Variants in AFF1 observed in about 807,000 individuals in gnomAD.
AFF1 encodes AF4/FMR2 family member 1.
AFF1 carries 48 observed loss-of-function variants against 121.7 expected under a neutral mutation model. The observed-to-expected ratio is 0.39, with a 90% CI of 0.31 to 0.50. AFF1 has a LOEUF of 0.50. Among genes scored for constraint, AFF1 ranks in the 20% least tolerant of loss-of-function variants. The probability of loss-of-function intolerance (pLI) is 0.76; values close to 1 mark genes in which losing one functional copy is unlikely to be tolerated. For missense variants in AFF1, 1,523 were observed against 1,511.7 expected, an observed-to-expected ratio of 1.01 and a Z score of -0.12; for synonymous variants, 613 against 563.0, an observed-to-expected ratio of 1.09 and a Z score of -1.26.
chr4:87,014,755 G>T (rs2149544825), intron 2 of AFF1, among the ~76,000 whole-genome samples: 1 of 152,288 alleles, frequency 6.6e-6, no homozygotes. Context: ...TGTAAGTCTG[G>T]ATAACTTGTT....
At chr4:87,071,998 G>A (rs1722109558) in intron 4 of AFF1, among the ~76,000 whole-genome samples, 1 of 152,158 alleles carries the variant, frequency 6.6e-6, no homozygotes, top group African/African-American at 2.4e-5. Context: ...GTGTGTCGGT[G>A]TGTGAAGTCA....
chr4:87,133,845 A>G lies in AFF1; in HGVS notation c.3312-626A>G, dbSNP rs148228924. 3.7e-3 allele frequency among the ~76,000 whole-genome samples: 568 copies of G among 152,346 alleles called. 5 individuals are homozygous for G. Among genetic ancestry groups the G allele is most frequent in the African/African-American group, 0.013 (543 of 41,574 alleles). On this transcript the variant is annotated intron_variant, in intron 19 of 20. Coordinates refer to ENST00000395146, the MANE Select transcript of AFF1 (RefSeq NM_001166693.3). ...TTGCAGGTCCAGATATTCAGCCAAG[A>G]GTGGAGTAAAGAGGAGATAGAGTCT...
intron 14 of AFF1, 71 bp from the exon 15 acceptor site, chr4:87,126,955 A>AGGGATGG (rs1302112715): frequency 7.5e-7 from 1 of 1,338,244 alleles, no homozygotes; most frequent in Admixed American, 1.7e-5. Flanking sequence ...GCTATTTAAG[A>AGGGATGG]GGGATGGTAC....
At chr4:87,089,609 A>G (rs1012178866) in intron 5 of AFF1, among the ~76,000 whole-genome samples, 6 of 152,224 alleles carry the variant, frequency 3.9e-5, no homozygotes, top group Non-Finnish European at 8.8e-5. Flanking sequence ...TGAGGGAGAA[A>G]GAATGCATCG....
chr4:87,046,878 C>G lies in AFF1; in HGVS notation c.343C>G (p.His115Asp). 1 of 1,614,204 alleles carries G rather than the reference C, an allele frequency of 6.2e-7. No individual in the cohort carries two copies. Among genetic ancestry groups the G allele is most frequent in the Non-Finnish European group, 8.5e-7 (1 of 1,180,040 alleles). Reference protein sequence around the residue: ...KGSSIPSSSFHTSVHHQSIHT... With the variant: ...KGSSIPSSSFDTSVHHQSIHT... ...GAGCAGCATTCCATCCAGCTCCTTCCACACTAGTGTCCACCACCAGTCCAT... is the reference window on the plus strand; with the variant it reads ...GAGCAGCATTCCATCCAGCTCCTTCGACACTAGTGTCCACCACCAGTCCAT... Residue 115 changes from histidine to aspartate, a missense_variant, in exon 4 of 21, where the codon CAC (histidine) becomes GAC (aspartate). By Grantham distance (81) the His-to-Asp change is moderately conservative. Around this residue, in one of 5 missense-constraint regions of AFF1, gnomAD observed 369 missense variants for 367.2 expected, o/e 1.00. Coordinates refer to ENST00000395146, the MANE Select transcript of AFF1 (RefSeq NM_001166693.3).
At chr4:87,081,896 A>G (rs576678319) in intron 4 of AFF1, among the ~76,000 whole-genome samples, 2 of 152,214 alleles carry the variant, frequency 1.3e-5, no homozygotes, top group Admixed American at 6.5e-5. Context: ...TTCATCCAAC[A>G]TAACAAAACT....
intron 4 of AFF1, chr4:87,049,812 G>C (rs1014324013): frequency 4.4e-6 from 2 of 452,986 alleles, no homozygotes; most frequent in African/African-American, 4.0e-5. Context: ...AGGGCTCTCG[G>C]TGACCCCTTT....
intron 2 of AFF1, among the ~76,000 whole-genome samples, chr4:86,980,957 T>TCC (rs70953631): frequency 8.2e-6 from 1 of 122,414 alleles, no homozygotes; most frequent in African/African-American, 3.1e-5. Flanking sequence ...ACCCCCCCCC[T>TCC]CCACCAAAAA....
intron 4 of AFF1, among the ~76,000 whole-genome samples, chr4:87,068,677 T>C (rs1213930874): frequency 2.0e-5 from 3 of 152,178 alleles, no homozygotes; most frequent in Non-Finnish European, 2.9e-5. Flanking sequence ...AAGGCAAATA[T>C]TGCTAAGCAA....
Position 87,126,057 on chromosome 4 carries a change from G to A in AFF1, c.2574-42G>A, listed in dbSNP as rs1728209812. 4 of 1,583,036 alleles carry A rather than the reference G, an allele frequency of 2.5e-6. No homozygotes were observed. The African/African-American group carries it at 5.4e-5, about 21-fold the overall frequency. On this transcript the variant is annotated intron_variant, in intron 13 of 20. Transcript: ENST00000395146. ...ACTAAACAACGAAGCCGCTTGATGT[G>A]TACTTTGCCTCCTCTTAGTTTTACG...
chr4:87,116,836 G>T (rs900075028), intron 12 of AFF1, among the ~76,000 whole-genome samples: 2 of 152,060 alleles, frequency 1.3e-5, no homozygotes, highest in African/African-American at 4.8e-5. Context: ...GGTGGGGTGT[G>T]TGTGTGTGTG....
chr4:87,124,642 A>G (rs1314192147), intron 12 of AFF1, among the ~76,000 whole-genome samples: 1 of 152,132 alleles, frequency 6.6e-6, no homozygotes, highest in East Asian at 1.9e-4. Flanking sequence ...GTTGGAGGAA[A>G]CCTCATAAAA....
At chr4:87,080,588 C>G (rs1345478032) in intron 4 of AFF1, among the ~76,000 whole-genome samples, 1 of 152,198 alleles carries the variant, frequency 6.6e-6, no homozygotes, top group Non-Finnish European at 1.5e-5. Context: ...GTTCCAGCTA[C>G]TCTCTGAAGG....
At chr4:86,942,242 C>T (rs71605693) in intron 1 of AFF1, among the ~76,000 whole-genome samples, 3 of 152,180 alleles carry the variant, frequency 2.0e-5, no homozygotes, top group Non-Finnish European at 4.4e-5. Context: ...GAAATGAGGA[C>T]AATGCCTTGT....
Position 87,136,282 on chromosome 4 carries a change from G to A in AFF1, c.*581G>A, listed in dbSNP as rs921852990. The A allele has an allele frequency of 5.6e-5, 13 of 232,102 alleles. No individual in the cohort carries two copies. The highest frequency in any genetic ancestry group is 2.9e-4 in the African/African-American group (13 of 45,264). 14.4% of individuals were successfully genotyped at this position (232,102 alleles called of 1,614,324 possible). A position where few individuals can be genotyped will look rare whatever the true frequency, so the allele number is the denominator to read the frequency against. On this transcript the variant is annotated 3_prime_UTR_variant, in exon 21 of 21. Coordinates refer to ENST00000395146, the MANE Select transcript of AFF1 (RefSeq NM_001166693.3). ...ACTTTCTGCCAATGAACAGTGGCTTGATAATACCAAGTATTGTTGTAATTT... is the reference window on the plus strand; with the variant it reads ...ACTTTCTGCCAATGAACAGTGGCTTAATAATACCAAGTATTGTTGTAATTT...
intron 4 of AFF1, among the ~76,000 whole-genome samples, chr4:87,073,186 G>A (rs1277290712): frequency 6.9e-6 from 1 of 145,054 alleles, no homozygotes; most frequent in Admixed American, 7.2e-5. Context: ...ATGATGTTCT[G>A]ATATTAAATG....
chr4:87,060,699 T>A (rs1720656071), intron 4 of AFF1, among the ~76,000 whole-genome samples: 1 of 150,956 alleles, frequency 6.6e-6, no homozygotes, highest in Non-Finnish European at 1.5e-5. Flanking sequence ...ATTAGCCAGG[T>A]ATGGTGGCAG....
intron 12 of AFF1, among the ~76,000 whole-genome samples, chr4:87,118,277 GCCA>G (rs1560646332): frequency 1.3e-5 from 2 of 149,148 alleles, no homozygotes; most frequent in Non-Finnish European, 3.0e-5. Flanking sequence ...CTGTGATGAA[GCCA>G]TTAGACATGG....
chr4:86,954,552 C>G (rs1721606893), intron 2 of AFF1, among the ~76,000 whole-genome samples: 1 of 152,046 alleles, frequency 6.6e-6, no homozygotes, highest in South Asian at 2.1e-4. Flanking sequence ...ATGGTTAAAC[C>G]CTGTCTCTAC....
Sources: allele counts gnomAD v4.1 joint callset (sites outside exome capture counted in the v4.1 genomes callset), GRCh38; gene constraint gnomAD v4.1.1; regional missense constraint gnomAD v4.1.1; transcripts MANE v1.5; gene names NCBI Gene and HGNC (gene_info 2026-07-23, HGNC 2026-07-21).